Variants in CHSY3 observed in about 807,000 individuals in gnomAD.
The protein encoded by CHSY3 is N-acetylgalactosaminyl-proteoglycan 3-beta-glucuronosyltransferase 3.
CHSY3 carries 35 observed loss-of-function variants against 67.2 expected under a neutral mutation model. The ratio of observed to expected loss-of-function variants is 0.52; its 90% CI spans 0.40 to 0.69. The LOEUF (loss-of-function observed/expected upper bound fraction) is 0.69, where lower values mean the gene tolerates loss of function less well. Ranked by LOEUF, CHSY3 falls within the 30% of genes least tolerant of loss-of-function variation. CHSY3 has a pLI of 0.00. For synonymous variants in CHSY3, 474 were observed against 434.7 expected, an observed-to-expected ratio of 1.09 and a Z score of -1.12; for missense variants, 1,069 against 1,138.5, an observed-to-expected ratio of 0.94 and a Z score of 0.88.
At chr5:130,154,383 A>C (rs139946991) in intron 2 of CHSY3, among the ~76,000 whole-genome samples, 1 of 152,150 alleles carries the variant, frequency 6.6e-6, no homozygotes, top group South Asian at 2.1e-4. Flanking sequence ...CCACTTGCTA[A>C]TTTAAATTTC....
chr5:130,005,014 G>C (rs1731973311), intron 2 of CHSY3, among the ~76,000 whole-genome samples: 1 of 152,026 alleles, frequency 6.6e-6, no homozygotes, highest in Admixed American at 6.6e-5. Context: ...TATATCATTT[G>C]AGGATCCTAT....
chr5:129,962,565 A>C (rs1192482463), intron 2 of CHSY3, among the ~76,000 whole-genome samples: 1 of 151,986 alleles, frequency 6.6e-6, no homozygotes, highest in East Asian at 1.9e-4. Context: ...CATAAAACAC[A>C]ATATAAAGAC....
At chr5:129,925,874 C>T (rs1424094212) in intron 2 of CHSY3, among the ~76,000 whole-genome samples, 2 of 132,352 alleles carry the variant, frequency 1.5e-5, no homozygotes. Context: ...ATTTCTTATA[C>T]TAATGTGTGT....
intron 2 of CHSY3, among the ~76,000 whole-genome samples, chr5:129,924,178 G>A (rs1393740488): frequency 1.3e-5 from 2 of 151,976 alleles, no homozygotes; most frequent in African/African-American, 4.8e-5. Context: ...ATCAATTTCT[G>A]TTCTCTATCT....
At chr5:130,165,010 G>GT (rs1769699567) in intron 2 of CHSY3, among the ~76,000 whole-genome samples, 1 of 152,150 alleles carries the variant, frequency 6.6e-6, no homozygotes, top group South Asian at 2.1e-4. Flanking sequence ...TATTGGTGGA[G>GT]TATAGAGGGT....
At chr5:130,136,174 T>A (rs116713102) in intron 2 of CHSY3, among the ~76,000 whole-genome samples, 344 of 152,282 alleles carry the variant, frequency 2.3e-3, no homozygotes, top group Non-Finnish European at 3.5e-3. Context: ...ACCAAGGAGG[T>A]AATGCTTGAT....
intron 2 of CHSY3, among the ~76,000 whole-genome samples, chr5:129,995,245 C>G (rs1428090776): frequency 6.6e-6 from 1 of 151,734 alleles, no homozygotes; most frequent in Non-Finnish European, 1.5e-5. Flanking sequence ...TGTAAAATGC[C>G]TGCTCAAGTC....
chr5:130,018,136 G>A (rs1486908535), intron 2 of CHSY3, among the ~76,000 whole-genome samples: 1 of 152,042 alleles, frequency 6.6e-6, no homozygotes, highest in African/African-American at 2.4e-5. Context: ...TCTTTAAAGA[G>A]AGAATGTGAT....
chr5:129,940,242 T>TA lies in CHSY3; in HGVS notation c.1086+31891dup, dbSNP rs201035363. 1.8e-3 allele frequency among the ~76,000 whole-genome samples: 265 copies of TA among 151,078 alleles called. 3 individuals carry two copies. Among genetic ancestry groups the TA allele is most frequent in the South Asian group, 0.016 (75 of 4,760 alleles). On this transcript the variant is annotated intron_variant, in intron 2 of 2. Coordinates refer to ENST00000305031, the MANE Select transcript of CHSY3 (RefSeq NM_175856.5). ...GAGCAGGCATCTACCTAGATTTTCT[T>TA]AAAAAAAAACAACTGAATTCTTTGT...
At chr5:130,064,907 G>A (rs998675765) in intron 2 of CHSY3, among the ~76,000 whole-genome samples, 4 of 152,196 alleles carry the variant, frequency 2.6e-5, no homozygotes, top group African/African-American at 4.8e-5. Context: ...GAGCTGCCTA[G>A]GGGGAATACT....
intron 2 of CHSY3, among the ~76,000 whole-genome samples, chr5:130,072,561 G>A (rs1213000079): frequency 6.6e-6 from 1 of 152,028 alleles, no homozygotes; most frequent in Non-Finnish European, 1.5e-5. Context: ...GATTACAATA[G>A]TTTATAATAT....
At chr5:130,160,666 T>C (rs1769504406) in intron 2 of CHSY3, among the ~76,000 whole-genome samples, 3 of 152,114 alleles carry the variant, frequency 2.0e-5, no homozygotes, top group Non-Finnish European at 4.4e-5. Context: ...GTCCTAACAT[T>C]AGCCAGAAGG....
intron 2 of CHSY3, among the ~76,000 whole-genome samples, chr5:129,918,879 G>A (rs1247528579): frequency 2.7e-5 from 4 of 148,794 alleles, no homozygotes; most frequent in South Asian, 2.1e-4. Context: ...AGGCCGAGGC[G>A]GGTGGATCAT....
chr5:130,184,754 A>G lies in CHSY3; in HGVS notation c.1612A>G (p.Ile538Val), dbSNP rs538661730. 6.2e-7 allele frequency: 1 copy of G among 1,604,380 alleles called. No individual in the cohort carries two copies. Among genetic ancestry groups the G allele is most frequent in the South Asian group, 1.1e-5 (1 of 90,878 alleles). ...RVNPMHGVEY[I>V]LDLLLLYKRH... ...TAACCCCATGCACGGGGTGGAGTAC[A>G]TTTTGGATTTACTCCTTTTATACAA... is the stretch of plus-strand genomic sequence containing the variant. The change falls in exon 3 of 3, where the codon ATT becomes GTT. Residue 538 changes from isoleucine (I) to valine (V), a missense_variant. Ile to Val is a conservative substitution (Grantham distance 29). Around this residue, in one of 5 missense-constraint regions of CHSY3, gnomAD observed 401 missense variants for 395.2 expected, o/e 1.01. Transcript: ENST00000305031.
rs568331666 is a variant in CHSY3, at chr5:130,159,124, TA to T, written c.1087-25101del. ...AGAATTTTGGTTTACTAAAAAACAT[TA>T]AAACATTTATTTCTTAATTCTGCAT... On this transcript the variant is annotated intron_variant, in intron 2 of 2. Transcript: ENST00000305031. 1.2e-3 allele frequency among the ~76,000 whole-genome samples: 183 copies of T among 149,706 alleles called. 1 individual carries two copies. Among genetic ancestry groups the T allele is most frequent in the African/African-American group, 3.9e-3 (158 of 40,782 alleles).
At chr5:130,002,658 T>C (rs1464570196) in intron 2 of CHSY3, among the ~76,000 whole-genome samples, 1 of 152,136 alleles carries the variant, frequency 6.6e-6, no homozygotes, top group African/African-American at 2.4e-5. Context: ...GAGACATAAA[T>C]ATTTTCTAAA....
At chr5:129,983,882 C>A (rs1580612781) in intron 2 of CHSY3, among the ~76,000 whole-genome samples, 1 of 152,132 alleles carries the variant, frequency 6.6e-6, no homozygotes, top group East Asian at 1.9e-4. Flanking sequence ...ATTCTTTGGT[C>A]ATCAGTAAAG....
At chr5:130,167,818 G>A (rs1183237470) in intron 2 of CHSY3, among the ~76,000 whole-genome samples, 2 of 152,000 alleles carry the variant, frequency 1.3e-5, no homozygotes, top group Admixed American at 6.6e-5. Flanking sequence ...AATAATAATA[G>A]CAACACCTAT....
At chr5:129,976,985 C>G (rs577890751) in intron 2 of CHSY3, among the ~76,000 whole-genome samples, 12 of 151,348 alleles carry the variant, frequency 7.9e-5, no homozygotes, top group African/African-American at 2.9e-4. Context: ...TTGTTTATTT[C>G]AATACTAGCC....
Sources: allele counts gnomAD v4.1 joint callset (sites outside exome capture counted in the v4.1 genomes callset), GRCh38; gene constraint gnomAD v4.1.1; regional missense constraint gnomAD v4.1.1; transcripts MANE v1.5; gene names NCBI Gene and HGNC (gene_info 2026-07-23, HGNC 2026-07-21).